Variants in SLCO6A1 observed in about 807,000 individuals in gnomAD.
The protein encoded by SLCO6A1 is solute carrier organic anion transporter family member 6A1.
In SLCO6A1, 65 loss-of-function variants were observed where a neutral mutation model predicts 72.7. The observed-to-expected ratio is 0.89, with a 90% CI of 0.73 to 1.10. The LOEUF (loss-of-function observed/expected upper bound fraction) is 1.10. Among genes scored for constraint, SLCO6A1 ranks in the 50% least tolerant of loss-of-function variants. The pLI is 0.00. For missense variants in SLCO6A1, 874 were observed against 872.6 expected, an observed-to-expected ratio of 1.00 and a Z score of -0.02; for synonymous variants, 314 against 298.2, an observed-to-expected ratio of 1.05 and a Z score of -0.55.
In SLCO6A1 at chr5:102,477,890, G is replaced by A. The variant is rs770098335; in HGVS notation, c.617-29C>T. 3.7e-5 allele frequency: 58 copies of A among 1,553,532 alleles called. 1 individual carries two copies. The South Asian group carries it at 6.6e-4, about 18-fold the overall frequency. On this transcript the variant is annotated intron_variant, in intron 2 of 13. Coordinates refer to ENST00000506729, the MANE Select transcript of SLCO6A1 (RefSeq NM_173488.5). Reference sequence around the variant, plus strand: ...TTGAAAATACAATGATTATATTTTTGTTAATTGAACTCAAACATAAAACAA... The same window carrying A: ...TTGAAAATACAATGATTATATTTTTATTAATTGAACTCAAACATAAAACAA...
intron 12 of SLCO6A1, among the ~76,000 whole-genome samples, chr5:102,376,385 C>T (rs528253132): frequency 7.2e-5 from 11 of 151,996 alleles, no homozygotes; most frequent in African/African-American, 2.7e-4. Flanking sequence ...CATACACATA[C>T]ATCATATTAA....
At chr5:102,426,654 C>T (rs1042207914) in intron 7 of SLCO6A1, among the ~76,000 whole-genome samples, 7 of 152,178 alleles carry the variant, frequency 4.6e-5, no homozygotes, top group Non-Finnish European at 1.5e-5. Context: ...AATAGAAACA[C>T]TTTTACACTG....
chr5:102,466,260 A>T (rs1452451913), intron 4 of SLCO6A1, among the ~76,000 whole-genome samples: 2 of 152,046 alleles, frequency 1.3e-5, no homozygotes, highest in Non-Finnish European at 2.9e-5. Flanking sequence ...CCCATTTATA[A>T]GAGAAAATAT....
At position 102,427,864 on chromosome 5, in the gene SLCO6A1, A is replaced by AT. The variant is rs1200200259; in HGVS notation, c.1277-7844dup. Among the ~76,000 whole-genome samples the AT allele has an allele frequency of 7.3e-3, 555 of 76,272 alleles. 12 individuals are homozygous for AT. The highest frequency in any genetic ancestry group is 0.021 in the African/African-American group (360 of 17,100). 50.0% of individuals were successfully genotyped at this position (76,272 alleles called of 152,430 possible). A position where few individuals can be genotyped will look rare whatever the true frequency, so the allele number is the denominator to read the frequency against. On this transcript the variant is annotated intron_variant, in intron 7 of 13. Transcript: ENST00000506729. ...TGTATACATATATATATATATATATATTTTTTTTTTTTTTTTTTTTTTTGA... is the reference window on the plus strand; with the variant it reads ...TGTATACATATATATATATATATATATTTTTTTTTTTTTTTTTTTTTTTTGA...
In SLCO6A1 at chr5:102,477,874, C is replaced by T; in HGVS notation, c.617-13G>A. On this transcript the variant is annotated splice_polypyrimidine_tract_variant and intron_variant, in intron 2 of 13. Coordinates refer to ENST00000506729, the MANE Select transcript of SLCO6A1 (RefSeq NM_173488.5). Reference sequence around the variant, plus strand: ...TCTTCGCAAATATCTTTTGAAAATACAATGATTATATTTTTGTTAATTGAA... The same window carrying T: ...TCTTCGCAAATATCTTTTGAAAATATAATGATTATATTTTTGTTAATTGAA... The T allele has an allele frequency of 6.3e-7, 1 of 1,583,288 alleles. No homozygotes were observed. The highest frequency in any genetic ancestry group is 8.6e-7 in the Non-Finnish European group (1 of 1,161,910).
At chr5:102,441,463 C>G (rs577142912) in intron 6 of SLCO6A1, among the ~76,000 whole-genome samples, 2 of 152,118 alleles carry the variant, frequency 1.3e-5, no homozygotes, top group African/African-American at 2.4e-5. Flanking sequence ...ACTGTTTTTA[C>G]TACAGTGGTT....
rs183256529 is a variant in SLCO6A1 at position 102,392,042 on chromosome 5, A to G, written c.1815-997T>C. On this transcript the variant is annotated intron_variant, in intron 10 of 13. Transcript: ENST00000506729. ...ATTAATGGGCATTTTAAATAAACTC[A>G]ATACTTACTTTTTGTTTATTTGCCT... Among the ~76,000 whole-genome samples, 161 of 151,952 alleles carry G rather than the reference A, an allele frequency of 1.1e-3. 4 individuals carry two copies. In the East Asian group the frequency reaches 0.028, roughly 27 times the overall value.
intron 6 of SLCO6A1, among the ~76,000 whole-genome samples, chr5:102,439,455 T>C (rs1159244874): frequency 6.6e-6 from 1 of 152,140 alleles, no homozygotes; most frequent in Non-Finnish European, 1.5e-5. Flanking sequence ...CTATTTTATG[T>C]TTACATATTT....
At chr5:102,437,138 G>A (rs892520480) in intron 7 of SLCO6A1, among the ~76,000 whole-genome samples, 2 of 152,098 alleles carry the variant, frequency 1.3e-5, no homozygotes. Context: ...AGAAACTATA[G>A]GGCAAAATTT....
chr5:102,386,501 G>C (rs899539187), intron 12 of SLCO6A1, among the ~76,000 whole-genome samples: 5 of 152,110 alleles, frequency 3.3e-5, no homozygotes, highest in Admixed American at 6.5e-5. Flanking sequence ...CTAGGGCTAT[G>C]GGGACTACTC....
At chr5:102,393,153 C>A (rs1174147569) in intron 10 of SLCO6A1, among the ~76,000 whole-genome samples, 1 of 152,028 alleles carries the variant, frequency 6.6e-6, no homozygotes, top group Non-Finnish European at 1.5e-5. Flanking sequence ...ATTTATCTCC[C>A]AATAACCACC....
intron 1 of SLCO6A1, 30 bp downstream of exon 1, chr5:102,498,457 G>T: frequency 6.3e-7 from 1 of 1,589,546 alleles, no homozygotes. Context: ...AGCTGCCCTC[G>T]CCACAACAAA....
At chr5:102,410,448 G>A (rs1672028219) in intron 9 of SLCO6A1, among the ~76,000 whole-genome samples, 1 of 152,144 alleles carries the variant, frequency 6.6e-6, no homozygotes, top group Non-Finnish European at 1.5e-5. Context: ...CCTCTTTGTT[G>A]CTCTCTCCCA....
rs1054212945 is a variant in SLCO6A1, at chr5:102,498,548, A to G, written c.297T>C (p.Cys99=). Residue 99 remains cysteine (C), a synonymous_variant, in exon 1 of 14, where the codon TGT becomes TGC. Coordinates refer to ENST00000506729, the MANE Select transcript of SLCO6A1 (RefSeq NM_173488.5). Reference sequence around the variant, plus strand: ...AGCAGCGAATGTTATTGCAACACTCACAGCAGGTGCTGACTAAGCAGCCCA... The same window carrying G: ...AGCAGCGAATGTTATTGCAACACTCGCAGCAGGTGCTGACTAAGCAGCCCA... ...CGLGCLVSTC[C]ECCNNIRCFM... 6.2e-7 allele frequency: 1 copy of G among 1,614,090 alleles called. No homozygotes were observed. Among genetic ancestry groups the G allele is most frequent in the African/African-American group, 1.3e-5 (1 of 74,946 alleles).
chr5:102,487,126 A>G (rs1752478557), intron 1 of SLCO6A1, among the ~76,000 whole-genome samples: 2 of 152,226 alleles, frequency 1.3e-5, no homozygotes, highest in South Asian at 4.1e-4. Context: ...TAGAACAGTT[A>G]AATCTAGATG....
Position 102,459,742 on chromosome 5 carries a change from C to T in SLCO6A1, c.935G>A (p.Trp312Ter), listed in dbSNP as rs1394272640. The T allele has an allele frequency of 1.9e-6, 3 of 1,604,014 alleles. No individual in the cohort carries two copies. Among genetic ancestry groups the T allele is most frequent in the African/African-American group, 2.7e-5 (2 of 74,142 alleles). Residue 312 changes from tryptophan (W) to a stop codon, truncating the protein, a stop_gained, in exon 5 of 14, where the codon TGG becomes TAG. Coordinates refer to ENST00000506729, the MANE Select transcript of SLCO6A1 (RefSeq NM_173488.5). LOFTEE classifies it high-confidence loss of function. Reference sequence around the variant, plus strand: ...AAAAAGAAAATTAATCCACCAAGTCCATAGCCATTCTGGACTACCATTATT... The same window carrying T: ...AAAAAGAAAATTAATCCACCAAGTCTATAGCCATTCTGGACTACCATTATT... ...TVNNGSPEWL[W>*]TWWINFLFAA...
At chr5:102,426,083 T>C (rs554437338) in intron 7 of SLCO6A1, among the ~76,000 whole-genome samples, 1 of 152,278 alleles carries the variant, frequency 6.6e-6, no homozygotes, top group African/African-American at 2.4e-5. Context: ...AAACTGAAAC[T>C]GGACCCCTTC....
At chr5:102,435,580 A>G (rs192647559) in intron 7 of SLCO6A1, among the ~76,000 whole-genome samples, 85 of 152,316 alleles carry the variant, frequency 5.6e-4, no homozygotes, top group African/African-American at 2.0e-3. Context: ...TGGCCAGTGT[A>G]AAAGGTTATC....
intron 5 of SLCO6A1, 90 bp from the exon 6 acceptor site, chr5:102,458,581 T>A (rs1750865135): frequency 2.5e-6 from 2 of 792,758 alleles, no homozygotes. Context: ...ATAAATTCAA[T>A]TAATCCTGAA....
Sources: gnomAD v4.1 joint callset for allele counts (sites outside exome capture counted in the v4.1 genomes callset) on GRCh38, gnomAD v4.1.1 for gene constraint, MANE v1.5 for transcripts, NCBI Gene and HGNC (gene_info 2026-07-23, HGNC 2026-07-21) for gene names.